The following DPP10 variants were observed in gnomAD, a reference collection of about 807,000 sequenced individuals.
DPP10 encodes the protein inactive dipeptidyl peptidase 10.
In DPP10, 33 loss-of-function variants were observed where a neutral mutation model predicts 120.9. The ratio of observed to expected loss-of-function variants is 0.27; its 90% CI spans 0.21 to 0.37. DPP10 has a LOEUF of 0.37. Among genes scored for constraint, DPP10 ranks in the 10% least tolerant of loss-of-function variants. The pLI is 1.00. For missense variants in DPP10, 816 were observed against 942.8 expected, an observed-to-expected ratio of 0.87 and a Z score of 1.76; for synonymous variants, 337 against 326.1, an observed-to-expected ratio of 1.03 and a Z score of -0.36.
chr2:115,344,762 C>T (rs775255069), intron 3 of DPP10, among the ~76,000 whole-genome samples: 28 of 152,046 alleles, frequency 1.8e-4, no homozygotes, highest in Non-Finnish European at 3.2e-4. Flanking sequence ...ACCAACCATA[C>T]GAATCATTAT....
At chr2:114,927,453 G>T (rs1197033131) in intron 1 of DPP10, among the ~76,000 whole-genome samples, 1 of 152,066 alleles carries the variant, frequency 6.6e-6, no homozygotes, top group Non-Finnish European at 1.5e-5. Flanking sequence ...AATTCATCCA[G>T]AAAGGCAGAG....
chr2:114,482,485 C>T (rs764836703), intron 1 of DPP10, among the ~76,000 whole-genome samples: 15 of 152,096 alleles, frequency 9.9e-5, no homozygotes, highest in Non-Finnish European at 7.4e-5. Context: ...TTGCTTAAAA[C>T]AGACATCGTT....
Position 115,771,223 on chromosome 2 carries a change from C to T in DPP10, c.1221+2819C>T, listed in dbSNP as rs572066811. On this transcript the variant is annotated intron_variant, in intron 13 of 25. Coordinates refer to ENST00000410059, the MANE Select transcript of DPP10 (RefSeq NM_020868.6). ...CCGAGTAGCTGGGATTACAGGCACC[C>T]GCCATCATGCCTGGCTAATTTTTGT... 1.0e-3 allele frequency among the ~76,000 whole-genome samples: 157 copies of T among 151,952 alleles called. 1 individual carries two copies. Among genetic ancestry groups the T allele is most frequent in the African/African-American group, 3.4e-3 (143 of 41,460 alleles).
intron 5 of DPP10, among the ~76,000 whole-genome samples, chr2:115,637,369 T>C (rs1025615788): frequency 4.6e-5 from 7 of 152,132 alleles, no homozygotes; most frequent in Non-Finnish European, 2.9e-5. Context: ...GGTAAGTTAA[T>C]TGTTTTTAAA....
intron 3 of DPP10, among the ~76,000 whole-genome samples, chr2:115,427,755 G>C (rs1350504569): frequency 6.6e-6 from 1 of 152,170 alleles, no homozygotes; most frequent in East Asian, 1.9e-4. Flanking sequence ...AATTTCTTTA[G>C]TAAATGATTG....
At chr2:114,896,702 T>C (rs1383227266) in intron 1 of DPP10, among the ~76,000 whole-genome samples, 9 of 152,086 alleles carry the variant, frequency 5.9e-5, no homozygotes, top group South Asian at 4.1e-4. Flanking sequence ...TTGACTTCCT[T>C]TTTTCCTAAT....
intron 1 of DPP10, among the ~76,000 whole-genome samples, chr2:115,113,177 A>T (rs1473491122): frequency 0.04 from 2 of 50 alleles, no homozygotes; most frequent in African/African-American, 0.12. Flanking sequence ...AAAATATATA[A>T]CACATACAAT....
chr2:114,709,297 G>T (rs1451140719), intron 1 of DPP10, among the ~76,000 whole-genome samples: 3 of 152,144 alleles, frequency 2.0e-5, no homozygotes, highest in African/African-American at 7.2e-5. Context: ...GGTTCATTTT[G>T]ATTTCATTGG....
chr2:115,089,206 G>C (rs1179425666), intron 1 of DPP10, among the ~76,000 whole-genome samples: 2 of 151,858 alleles, frequency 1.3e-5, no homozygotes, highest in African/African-American at 4.8e-5. Context: ...AGACCTCATG[G>C]TCAATCATCG....
At chr2:114,519,327 ACTGTTTACGAGAC>A (rs749987748) in intron 1 of DPP10, among the ~76,000 whole-genome samples, 19 of 152,198 alleles carry the variant, frequency 1.2e-4, no homozygotes, top group Non-Finnish European at 2.2e-4. Context: ...CTACAGAAGA[ACTGTTTACGAGAC>A]CTCACTTTAC....
intron 1 of DPP10, among the ~76,000 whole-genome samples, chr2:114,711,188 G>C (rs1701005978): frequency 6.6e-6 from 1 of 152,220 alleles, no homozygotes; most frequent in African/African-American, 2.4e-5. Context: ...GGCATGGTAT[G>C]ACATGCTGGG....
At chr2:115,471,828 C>T (rs576804516) in intron 3 of DPP10, among the ~76,000 whole-genome samples, 1 of 151,960 alleles carries the variant, frequency 6.6e-6, no homozygotes, top group Non-Finnish European at 1.5e-5. Flanking sequence ...CGCTGTTGCC[C>T]AGACTGGTCT....
At chr2:115,643,225 G>T (rs906025726) in intron 5 of DPP10, among the ~76,000 whole-genome samples, 1 of 151,914 alleles carries the variant, frequency 6.6e-6, no homozygotes, top group African/African-American at 2.4e-5. Flanking sequence ...AAACTGTTAC[G>T]GTACGTACAA....
At chr2:115,633,372 A>C (rs886199638) in intron 5 of DPP10, among the ~76,000 whole-genome samples, 87 of 152,282 alleles carry the variant, frequency 5.7e-4, no homozygotes, top group African/African-American at 1.9e-3. Flanking sequence ...ATAGGTGGGA[A>C]TTGAACAATG....
chr2:115,037,171 CTTAATA>C lies in DPP10; in HGVS notation c.61-272061_61-272056del, dbSNP rs553786390. On this transcript the variant is annotated intron_variant, in intron 1 of 25. Transcript: ENST00000410059. ...AAACAGCCATTTGGTTACAAATTGT[CTTAATA>C]TTAATAGTTACATTCTACCATTTAG... 1.5e-4 allele frequency among the ~76,000 whole-genome samples: 23 copies of C among 152,214 alleles called. No individual in the cohort carries two copies. In the South Asian group the frequency reaches 3.5e-3, roughly 23 times the overall value.
chr2:114,893,971 C>T (rs556343860), intron 1 of DPP10, among the ~76,000 whole-genome samples: 1 of 152,272 alleles, frequency 6.6e-6, no homozygotes, highest in Non-Finnish European at 1.5e-5. Context: ...CCTCATTTTT[C>T]TTCCTCATGG....
At chr2:115,210,163 C>T (rs1472167284) in intron 1 of DPP10, among the ~76,000 whole-genome samples, 2 of 152,220 alleles carry the variant, frequency 1.3e-5, no homozygotes, top group East Asian at 3.9e-4. Flanking sequence ...AATGCTATCC[C>T]TCCCTCCTCT....
At chr2:114,814,754 G>A (rs1685482468) in intron 1 of DPP10, among the ~76,000 whole-genome samples, 1 of 152,176 alleles carries the variant, frequency 6.6e-6, no homozygotes, top group African/African-American at 2.4e-5. Flanking sequence ...AATTTCTCCT[G>A]TCAAAGCCTT....
At chr2:114,932,875 C>T (rs150583846) in intron 1 of DPP10, among the ~76,000 whole-genome samples, 145 of 152,158 alleles carry the variant, frequency 9.5e-4, no homozygotes, top group Non-Finnish European at 1.4e-3. Flanking sequence ...AAAAGTATGC[C>T]TCACTCCTAC....
Sources: gnomAD v4.1 joint callset for allele counts (sites outside exome capture counted in the v4.1 genomes callset) on GRCh38, gnomAD v4.1.1 for gene constraint, MANE v1.5 for transcripts, NCBI Gene and HGNC (gene_info 2026-07-23, HGNC 2026-07-21) for gene names.